CNTN4: variants seen among roughly 807,000 people sequenced by gnomAD.
CNTN4 encodes contactin-4.
A neutral mutation model predicts 122.5 loss-of-function variants in CNTN4; 77 were observed. The observed-to-expected ratio is 0.63, with a 90% CI of 0.52 to 0.76. The LOEUF (loss-of-function observed/expected upper bound fraction) is 0.76. Among genes scored for constraint, CNTN4 ranks in the 30% least tolerant of loss-of-function variants. The pLI is 0.00. For synonymous variants in CNTN4, 512 were observed against 447.0 expected, an observed-to-expected ratio of 1.15 and a Z score of -1.83; for missense variants, 1,256 against 1,259.1, an observed-to-expected ratio of 1.00 and a Z score of 0.04.
intron 4 of CNTN4, among the ~76,000 whole-genome samples, chr3:2,723,731 C>T (rs2088015929): frequency 6.6e-6 from 1 of 152,194 alleles, no homozygotes; most frequent in African/African-American, 2.4e-5. Flanking sequence ...TTGAAGGGGG[C>T]ACACACATTC....
intron 3 of CNTN4, among the ~76,000 whole-genome samples, chr3:2,490,868 A>G (rs747685729): frequency 2.6e-5 from 4 of 152,198 alleles, no homozygotes; most frequent in Admixed American, 2.6e-4. Flanking sequence ...AAAGAAACAC[A>G]GAAATTATTT....
chr3:2,186,365 A>G (rs1015918784), intron 2 of CNTN4, among the ~76,000 whole-genome samples: 2 of 152,114 alleles, frequency 1.3e-5, no homozygotes, highest in Non-Finnish European at 2.9e-5. Flanking sequence ...AGTCTTTGCT[A>G]TTGTGAATAG....
intron 13 of CNTN4, among the ~76,000 whole-genome samples, chr3:2,976,633 G>A (rs780172258): frequency 3.3e-5 from 5 of 152,172 alleles, no homozygotes; most frequent in South Asian, 4.1e-4. Context: ...TCCTTAAGAT[G>A]GGGAGCAAAG....
chr3:3,037,298 C>A lies in CNTN4; in HGVS notation c.2062C>A (p.Pro688Thr). The A allele has an allele frequency of 2.5e-6, 4 of 1,614,196 alleles. No homozygotes were observed. Among genetic ancestry groups the A allele is most frequent in the Non-Finnish European group, 3.4e-6 (4 of 1,180,024 alleles). ...GATTGGGATTGGGGAGCCCAGCCGC[C>A]CCTCAGAGAAACGGAGAACAGAAGA... ...NVIGIGEPSR[P>T]SEKRRTEEAL... Residue 688 changes from proline to threonine, a missense_variant, in exon 18 of 25, where the codon CCC becomes ACC. Transcript: ENST00000418658.
At chr3:3,050,692 G>A (rs927376792) in intron 23 of CNTN4, among the ~76,000 whole-genome samples, 38 of 149,164 alleles carry the variant, frequency 2.5e-4, no homozygotes, top group Non-Finnish European at 3.4e-4. Flanking sequence ...GAACCCGGGA[G>A]GCGGAGGTTG....
chr3:2,249,550 G>A (rs1153507), intron 2 of CNTN4, among the ~76,000 whole-genome samples: 33,363 of 151,740 alleles, frequency 0.22, 3,780 homozygotes, highest in Middle Eastern at 0.25. Flanking sequence ...AATCTAGCTT[G>A]TAGAGTCAAG....
At chr3:2,711,458 G>A (rs1384586175) in intron 4 of CNTN4, among the ~76,000 whole-genome samples, 1 of 152,160 alleles carries the variant, frequency 6.6e-6, no homozygotes, top group East Asian at 1.9e-4. Context: ...TATTTTTGGA[G>A]TCAGAGTTTG....
At chr3:2,127,619 C>T (rs2034241496) in intron 2 of CNTN4, among the ~76,000 whole-genome samples, 1 of 152,128 alleles carries the variant, frequency 6.6e-6, no homozygotes, top group Admixed American at 6.5e-5. Flanking sequence ...TTTTACACTC[C>T]TGCCAAGAAT....
chr3:2,597,271 C>T (rs550962132), intron 4 of CNTN4, among the ~76,000 whole-genome samples: 1 of 152,192 alleles, frequency 6.6e-6, no homozygotes, highest in African/African-American at 2.4e-5. Context: ...GCCAGTACTT[C>T]GTTAGAAATT....
intron 6 of CNTN4, among the ~76,000 whole-genome samples, chr3:2,811,789 C>T (rs572747874): frequency 7.7e-6 from 1 of 129,730 alleles, no homozygotes; most frequent in South Asian, 2.6e-4. Context: ...CTCTCAGCCT[C>T]CAGAGCAGCT....
intron 2 of CNTN4, among the ~76,000 whole-genome samples, chr3:2,183,033 C>T (rs897810006): frequency 3.3e-5 from 5 of 152,140 alleles, no homozygotes; most frequent in African/African-American, 1.2e-4. Flanking sequence ...CATATCTTCT[C>T]TGAAGAAGAT....
chr3:2,628,273 T>C (rs2600317), intron 4 of CNTN4, among the ~76,000 whole-genome samples: 109,419 of 152,090 alleles, frequency 0.72, 40,266 homozygotes, highest in African/African-American at 0.86. Context: ...AATTTGACCT[T>C]GTGAAAGCAA....
chr3:2,705,892 A>C (rs1436489757), intron 4 of CNTN4, among the ~76,000 whole-genome samples: 4 of 66,800 alleles, frequency 6.0e-5, no homozygotes, highest in African/African-American at 2.0e-4. Context: ...TATATAATAT[A>C]TAAAATATAT....
intron 2 of CNTN4, among the ~76,000 whole-genome samples, chr3:2,284,302 C>CAAAACCAATT (rs1475838778): frequency 6.6e-6 from 1 of 152,054 alleles, no homozygotes; most frequent in Non-Finnish European, 1.5e-5. Flanking sequence ...TGCAAGGATG[C>CAAAACCAATT]AAAACCAATT....
chr3:2,977,611 G>A (rs1693548408), intron 13 of CNTN4, among the ~76,000 whole-genome samples: 1 of 152,054 alleles, frequency 6.6e-6, no homozygotes, highest in South Asian at 2.1e-4. Flanking sequence ...CAGTGGGCAT[G>A]GGAGGTGGTG....
At chr3:2,726,192 A>G (rs2088210708) in intron 4 of CNTN4, among the ~76,000 whole-genome samples, 1 of 152,164 alleles carries the variant, frequency 6.6e-6, no homozygotes, top group Non-Finnish European at 1.5e-5. Context: ...TCTGTAAGCA[A>G]TTCTAGACTA....
At chr3:2,222,660 A>G (rs777457417) in intron 2 of CNTN4, among the ~76,000 whole-genome samples, 2 of 151,760 alleles carry the variant, frequency 1.3e-5, no homozygotes, top group Non-Finnish European at 2.9e-5. Flanking sequence ...ACAACCCCCC[A>G]CACCCCCAAC....
At chr3:2,201,835 CAGAT>C (rs760149347) in intron 2 of CNTN4, among the ~76,000 whole-genome samples, 7 of 152,108 alleles carry the variant, frequency 4.6e-5, no homozygotes, top group Admixed American at 2.0e-4. Context: ...TAGATTTTAT[CAGAT>C]AGACAGTGAG....
In CNTN4 at chr3:2,476,472, A is replaced by G. The variant is rs939707649; in HGVS notation, c.-88-94944A>G. 5.3e-5 allele frequency among the ~76,000 whole-genome samples: 8 copies of G among 152,256 alleles called. No homozygotes were observed. In the East Asian group the frequency reaches 1.2e-3, roughly 22 times the overall value. On this transcript the variant is annotated intron_variant, in intron 3 of 24. Coordinates refer to ENST00000418658, the MANE Select transcript of CNTN4 (RefSeq NM_175607.3). ...TATGTTTGCATGGCACATCCATACAATGTTATACTGTTCAGCAATAAAAGG... is the reference window on the plus strand; with the variant it reads ...TATGTTTGCATGGCACATCCATACAGTGTTATACTGTTCAGCAATAAAAGG...
Sources: allele counts gnomAD v4.1 joint callset (sites outside exome capture counted in the v4.1 genomes callset), GRCh38; gene constraint gnomAD v4.1.1; transcripts MANE v1.5; gene names NCBI Gene and HGNC (gene_info 2026-07-23, HGNC 2026-07-21).